Variants in CELF2 observed in about 807,000 individuals in gnomAD.
CELF2 encodes CUGBP Elav-like family member 2.
Under a neutral mutation model 62.6 loss-of-function variants are expected in CELF2, and 8 were observed. The ratio of observed to expected loss-of-function variants is 0.13; its 90% confidence interval spans 0.07 to 0.23. The LOEUF (loss-of-function observed/expected upper bound fraction) is 0.23, where lower values mean the gene tolerates loss of function less well. Among genes scored for constraint, CELF2 ranks in the 10% least tolerant of loss-of-function variants. CELF2 has a pLI of 1.00. For synonymous variants in CELF2, 258 were observed against 250.0 expected (o/e 1.03, Z -0.30); for missense variants, 333 against 671.0 (o/e 0.50, Z 5.56).
chr10:11,285,829 GTGTGTGT>G lies in CELF2; in HGVS notation c.842-2588_842-2582del, dbSNP rs1565774689. Among the ~76,000 whole-genome samples, 149 of 13,474 alleles carry G rather than the reference GTGTGTGT, an allele frequency of 0.011. No individual in the cohort carries two copies. Among genetic ancestry groups the G allele is most frequent in the Middle Eastern group, 0.083 (1 of 12 alleles). 8.8% of individuals were successfully genotyped at this position (13,474 alleles called of 152,430 possible). A position where few individuals can be genotyped will look rare whatever the true frequency, so the allele number is the denominator to read the frequency against. Reference sequence around the variant, plus strand: ...CTCATCACCTACTATATATATTGGTGTGTGTGTGTGTGTGTGTGTGTGTGTGTGTGTG... The same window carrying G: ...CTCATCACCTACTATATATATTGGTGGTGTGTGTGTGTGTGTGTGTGTGTG... On this transcript the variant is annotated intron_variant, in intron 8 of 12. Coordinates refer to ENST00000633077, the MANE Select transcript of CELF2 (RefSeq NM_001326342.2). This position sits in a 1 kb window ranked among gnomAD's most constrained non-coding sequence, Gnocchi z 4.3.
At chr10:11,079,741 G>GCCCC (rs11333486) in intron 1 of CELF2, among the ~76,000 whole-genome samples, 3 of 110,696 alleles carry the variant, frequency 2.7e-5, no homozygotes, top group African/African-American at 1.2e-4. Context: ...GACTAATACA[G>GCCCC]CCCCCCCCCC....
chr10:10,856,753 A>C (rs2059735587), intron 1 of CELF2, among the ~76,000 whole-genome samples: 1 of 152,160 alleles, frequency 6.6e-6, no homozygotes, highest in African/African-American at 2.4e-5. Flanking sequence ...CATAAGCATC[A>C]CCAGATTTAT....
chr10:10,869,100 T>A (rs2060564297), intron 1 of CELF2, among the ~76,000 whole-genome samples: 1 of 152,226 alleles, frequency 6.6e-6, no homozygotes, highest in African/African-American at 2.4e-5. Flanking sequence ...TTACTTTTTT[T>A]AATAGTAACA....
the CELF2 span, among the ~76,000 whole-genome samples, chr10:10,709,911 C>G: frequency 6.6e-6 from 1 of 152,216 alleles, no homozygotes; most frequent in Non-Finnish European, 1.5e-5. Context: ...TAACTCTCCC[C>G]ACGAAGTAAC....
intron 2 of CELF2, among the ~76,000 whole-genome samples, chr10:10,924,724 CTT>C (rs745848953): frequency 1.8e-4 from 16 of 89,122 alleles, no homozygotes; most frequent in Admixed American, 2.9e-4. Flanking sequence ...AACTTGATCG[CTT>C]TTTTTTTTTT....
At chr10:10,734,026 T>C in the CELF2 span, among the ~76,000 whole-genome samples, 1 of 152,150 alleles carries the variant, frequency 6.6e-6, no homozygotes, top group Non-Finnish European at 1.5e-5. Flanking sequence ...ATCCTTAAAA[T>C]AGCATACGTA....
chr10:10,659,609 G>T, the CELF2 span, among the ~76,000 whole-genome samples: 3 of 152,170 alleles, frequency 2.0e-5, no homozygotes, highest in Admixed American at 2.0e-4. Context: ...GGCATCCAAG[G>T]TTCTGGCCTC....
At chr10:10,870,608 CT>C (rs1315101897) in intron 1 of CELF2, among the ~76,000 whole-genome samples, 14 of 152,206 alleles carry the variant, frequency 9.2e-5, no homozygotes, top group African/African-American at 3.4e-4. Context: ...GACACTGAGT[CT>C]GAGAATTAGG....
At chr10:10,760,036 C>T in the CELF2 span, among the ~76,000 whole-genome samples, 16 of 152,164 alleles carry the variant, frequency 1.1e-4, no homozygotes, top group Admixed American at 6.6e-5. Context: ...TCCTGCGTAG[C>T]TGGGATTACA....
At chr10:10,489,495 A>C in the CELF2 span, among the ~76,000 whole-genome samples, 1 of 152,212 alleles carries the variant, frequency 6.6e-6, no homozygotes, top group East Asian at 1.9e-4. Context: ...TCTTAGTGTT[A>C]TTTAATCATT....
intron 1 of CELF2, among the ~76,000 whole-genome samples, chr10:11,118,383 T>G (rs1176899931): frequency 6.6e-6 from 1 of 152,094 alleles, no homozygotes; most frequent in African/African-American, 2.4e-5. Context: ...CCCAGGCTGG[T>G]CTTGAACTCC....
At chr10:11,253,031 AC>A (rs1179646556) in intron 4 of CELF2, among the ~76,000 whole-genome samples, 12 of 152,132 alleles carry the variant, frequency 7.9e-5, no homozygotes, top group Non-Finnish European at 8.8e-5. Flanking sequence ...CCAACGAGGT[AC>A]CAGCTGTGCA....
At chr10:11,088,319 C>T (rs938095701) in intron 1 of CELF2, among the ~76,000 whole-genome samples, 1 of 152,172 alleles carries the variant, frequency 6.6e-6, no homozygotes, top group African/African-American at 2.4e-5. Context: ...CTTTAGAGGG[C>T]AGTGACCAAT....
intron 2 of CELF2, among the ~76,000 whole-genome samples, chr10:10,950,659 T>G (rs1049629731): frequency 2.0e-5 from 3 of 152,070 alleles, no homozygotes; most frequent in African/African-American, 7.3e-5. Context: ...TGCCCTCTTT[T>G]GGAAATTAGA....
At chr10:10,695,413 G>A in the CELF2 span, among the ~76,000 whole-genome samples, 44 of 148,702 alleles carry the variant, frequency 3.0e-4, 1 homozygote, top group South Asian at 2.2e-4. Context: ...AGGGTAACCC[G>A]ACCTTTCTCT....
the CELF2 span, among the ~76,000 whole-genome samples, chr10:10,644,945 T>G: frequency 6.6e-6 from 1 of 152,148 alleles, no homozygotes; most frequent in Admixed American, 6.5e-5. Flanking sequence ...GTGGGACAAC[T>G]GTACGTCAAG....
chr10:10,718,642 A>G, the CELF2 span, among the ~76,000 whole-genome samples: 10 of 151,718 alleles, frequency 6.6e-5, no homozygotes, highest in Admixed American at 4.6e-4. Flanking sequence ...AAAAAAAAAA[A>G]AAGTTTGGCT....
the CELF2 span, among the ~76,000 whole-genome samples, chr10:10,766,224 C>T: frequency 6.6e-6 from 1 of 152,202 alleles, no homozygotes. Flanking sequence ...TTCCCAGATT[C>T]GTACATCCTG....
chr10:11,021,491 C>T (rs942873625), intron 1 of CELF2, among the ~76,000 whole-genome samples: 2 of 152,194 alleles, frequency 1.3e-5, no homozygotes, highest in African/African-American at 2.4e-5. Context: ...CATCAGACCT[C>T]ATTTTATAGA....
Sources: gnomAD v4.1 joint callset for allele counts (sites outside exome capture counted in the v4.1 genomes callset) on GRCh38, gnomAD v4.1.1 for gene constraint, Gnocchi (gnomAD v3.1) non-coding constraint, MANE v1.5 for transcripts, NCBI Gene and HGNC (gene_info 2026-07-23, HGNC 2026-07-21) for gene names.